The following CCDC134 variants were observed in gnomAD, a reference collection of about 807,000 sequenced individuals.
The protein encoded by CCDC134 is coiled-coil domain-containing protein 134.
In CCDC134, 27 loss-of-function variants were observed where a neutral mutation model predicts 25.6. That is an observed-to-expected ratio of 1.05 (90% CI 0.78 to 1.45). The LOEUF (loss-of-function observed/expected upper bound fraction) is 1.45. Among genes scored for constraint, CCDC134 ranks in the 40% most tolerant of loss-of-function variants. The pLI is 0.00. For missense variants in CCDC134, 261 were observed against 286.7 expected, an observed-to-expected ratio of 0.91 and a Z score of 0.65; for synonymous variants, 110 against 115.0, an observed-to-expected ratio of 0.96 and a Z score of 0.28.
At chr22:41,802,711 G>A (rs1262548788) in intron 1 of CCDC134, among the ~76,000 whole-genome samples, 2 of 151,910 alleles carry the variant, frequency 1.3e-5, no homozygotes, top group African/African-American at 2.4e-5. Flanking sequence ...TGAGGAGATC[G>A]AGACCATCCT....
In CCDC134 at chr22:41,827,171, C is replaced by T. The variant is rs1262003729; in HGVS notation, c.*1348C>T. Among the ~76,000 whole-genome samples, 1 of 152,232 alleles carries T rather than the reference C, an allele frequency of 6.6e-6. No individual in the cohort carries two copies. The highest frequency in any genetic ancestry group is 6.5e-5 in the Admixed American group (1 of 15,286). ...ATGGAAGGGCCCAGAACATCCTGCA[C>T]CCATCAGTTACTCGGAAGTAAGGGG... On this transcript the variant is annotated 3_prime_UTR_variant, in exon 7 of 7. Coordinates refer to ENST00000255784, the MANE Select transcript of CCDC134 (RefSeq NM_024821.5).
rs2076715200 is a variant in CCDC134 at position 41,832,094 on chromosome 22, TCAA to T, written c.*6273_*6275del. On this transcript the variant is annotated 3_prime_UTR_variant, in exon 7 of 7. Transcript: ENST00000255784. ...GCCTCTCACAAACTGGCAGGAAACT[TCAA>T]CTTTTCCCTTTTATCAATATATTGT... 1 of 152,228 alleles carries T rather than the reference TCAA, an allele frequency of 6.6e-6. No individual in the cohort carries two copies. The highest frequency in any genetic ancestry group is 1.5e-5 in the Non-Finnish European group (1 of 68,034). 9.4% of individuals were successfully genotyped at this position (152,228 alleles called of 1,614,324 possible). A position where few individuals can be genotyped will look rare whatever the true frequency, so the allele number is the denominator to read the frequency against.
chr22:41,819,962 TTTATATATATATA>T (rs1039454807), intron 6 of CCDC134, among the ~76,000 whole-genome samples: 5 of 89,660 alleles, frequency 5.6e-5, no homozygotes, highest in African/African-American at 2.0e-4. Flanking sequence ...GACTTACCAC[TTTATATATATATA>T]TATATATATA....
chr22:41,831,826 GCT>G lies in CCDC134; in HGVS notation c.*6007_*6008del, dbSNP rs549981091. ...GATTTTTTTTTTTGCTAGACTGGAA[GCT>G]CTCAGAGGGCAGGAACCATTTGTTT... On this transcript the variant is annotated 3_prime_UTR_variant, in exon 7 of 7. Transcript: ENST00000255784. The G allele has an allele frequency of 7.3e-5, 11 of 151,720 alleles. No homozygotes were observed. The highest frequency in any genetic ancestry group is 1.6e-4 in the Non-Finnish European group (11 of 67,926). 9.4% of individuals were successfully genotyped at this position (151,720 alleles called of 1,614,324 possible). A position where few individuals can be genotyped will look rare whatever the true frequency, so the allele number is the denominator to read the frequency against.
chr22:41,822,178 G>GA (rs1198541354), intron 6 of CCDC134, among the ~76,000 whole-genome samples: 1 of 152,148 alleles, frequency 6.6e-6, no homozygotes, highest in East Asian at 1.9e-4. Flanking sequence ...GATAAGGCTG[G>GA]AGACGTAGCA....
chr22:41,813,611 C>G, intron 5 of CCDC134, 140 bp from the exon 6 acceptor site: 1 of 1,187,008 alleles, frequency 8.4e-7, no homozygotes. Context: ...GGATTCTGTG[C>G]TGACCCAGTT....
intron 1 of CCDC134, among the ~76,000 whole-genome samples, chr22:41,803,051 T>C (rs1602232217): frequency 6.6e-6 from 1 of 150,882 alleles, no homozygotes; most frequent in East Asian, 1.9e-4. Flanking sequence ...GAAGTGGAGG[T>C]TGCGGTGAGC....
chr22:41,802,049 G>T (rs1047974484), intron 1 of CCDC134, among the ~76,000 whole-genome samples: 5 of 152,164 alleles, frequency 3.3e-5, no homozygotes, highest in African/African-American at 1.2e-4. Context: ...GTGTAAGTTT[G>T]CAGTGGCCTT....
At chr22:41,820,201 T>C (rs1374234230) in intron 6 of CCDC134, among the ~76,000 whole-genome samples, 3 of 151,116 alleles carry the variant, frequency 2.0e-5, no homozygotes, top group African/African-American at 7.3e-5. Context: ...TTTCACCATA[T>C]TAGCCAGGAT....
rs1000499079 is a variant in CCDC134 at position 41,831,719 on chromosome 22, C to T, written c.*5896C>T. On this transcript the variant is annotated 3_prime_UTR_variant, in exon 7 of 7. Coordinates refer to ENST00000255784, the MANE Select transcript of CCDC134 (RefSeq NM_024821.5). ...CACAAGTCAGGGCCCTTGTTAGTTT[C>T]ATCACATCCATTACCTTTCCTTGAT... The T allele has an allele frequency of 6.6e-6, 1 of 152,242 alleles. No homozygotes were observed. Among genetic ancestry groups the T allele is most frequent in the Admixed American group, 6.5e-5 (1 of 15,286 alleles). The allele number at this position is 152,242 out of a possible 1,614,324, so 9.4% of individuals were successfully genotyped here. A position where few individuals can be genotyped will look rare whatever the true frequency, so the allele number is the denominator to read the frequency against.
At chr22:41,813,622 C>T in intron 5 of CCDC134, 129 bp from the exon 6 acceptor site, 2 of 1,208,998 alleles carry the variant, frequency 1.7e-6, no homozygotes, top group South Asian at 1.3e-5. Flanking sequence ...TGACCCAGTT[C>T]CCATGGGATC....
At chr22:41,815,651 C>T (rs1429061698) in intron 6 of CCDC134, among the ~76,000 whole-genome samples, 1 of 151,978 alleles carries the variant, frequency 6.6e-6, no homozygotes, top group East Asian at 1.9e-4. Flanking sequence ...GGCCAACCTA[C>T]ATTATTATTA....
intron 1 of CCDC134, among the ~76,000 whole-genome samples, chr22:41,806,597 C>G (rs891078795): frequency 6.6e-6 from 1 of 151,886 alleles, no homozygotes; most frequent in Non-Finnish European, 1.5e-5. Flanking sequence ...ATTTATGTGT[C>G]GCAAGCAATA....
Position 41,802,698 on chromosome 22 carries a change from A to C in CCDC134, c.-17+1932A>C, listed in dbSNP as rs551230514. ...GGGAGGCCGAGGCAGGCGGATCATG[A>C]GGTGAGGAGATCGAGACCATCCTGG... On this transcript the variant is annotated intron_variant, in intron 1 of 6. Transcript: ENST00000255784. 7.2e-4 allele frequency among the ~76,000 whole-genome samples: 110 copies of C among 152,000 alleles called. 4 individuals carry two copies. The South Asian group carries it at 0.022, about 31-fold the overall frequency.
intron 1 of CCDC134, among the ~76,000 whole-genome samples, chr22:41,804,254 C>G (rs2076557591): frequency 6.6e-6 from 1 of 152,198 alleles, no homozygotes; most frequent in Non-Finnish European, 1.5e-5. Flanking sequence ...TTGAATGTCT[C>G]TGGTTATGGC....
intron 6 of CCDC134, among the ~76,000 whole-genome samples, chr22:41,824,765 GAAGAA>G (rs961283378): frequency 4.2e-4 from 64 of 152,114 alleles, no homozygotes; most frequent in African/African-American, 1.5e-3. Flanking sequence ...TGTCTAAAAA[GAAGAA>G]AAGAAAAGAA....
chr22:41,817,879 C>T (rs754662239), intron 6 of CCDC134, among the ~76,000 whole-genome samples: 8 of 152,112 alleles, frequency 5.3e-5, no homozygotes, highest in Non-Finnish European at 8.8e-5. Flanking sequence ...GAAGGAGTGT[C>T]ATCCAAGCAA....
At position 41,819,106 on chromosome 22, in the gene CCDC134, G is replaced by A. The variant is rs576198077; in HGVS notation, c.564+5284G>A. Among the ~76,000 whole-genome samples the A allele has an allele frequency of 3.5e-4, 54 of 152,212 alleles. 1 individual carries two copies. The highest frequency in any genetic ancestry group is 1.4e-3 in the Admixed American group (21 of 15,284). ...TTTTCCTCACTTTTTGATATCCTGC[G>A]TGGACTTGTCTCTCGCAGGAGCCCC... On this transcript the variant is annotated intron_variant, in intron 6 of 6. Transcript: ENST00000255784.
Position 41,808,924 on chromosome 22 carries a change from G to T in CCDC134, c.34G>T (p.Val12Phe). ...TCTTCAATTCCTGGCCTTCCTCTTT[G>T]TCCTGCTTTTGTCTGGGATGGGAGC... ...DLLQFLAFLF[V>F]LLLSGMGATG... Residue 12 changes from valine (V) to phenylalanine (F), a missense_variant, in exon 2 of 7, where the codon GTC becomes TTC. Transcript: ENST00000255784. 8 of 1,614,138 alleles carry T rather than the reference G, an allele frequency of 5.0e-6. No homozygotes were observed. The highest frequency in any genetic ancestry group is 5.9e-6 in the Non-Finnish European group (7 of 1,180,022).
Sources: allele counts gnomAD v4.1 joint callset (sites outside exome capture counted in the v4.1 genomes callset), GRCh38; gene constraint gnomAD v4.1.1; transcripts MANE v1.5; gene names NCBI Gene and HGNC (gene_info 2026-07-23, HGNC 2026-07-21).